The following CHST9 variants were observed in gnomAD, a reference collection of about 807,000 sequenced individuals.
CHST9 encodes carbohydrate sulfotransferase 9.
Under a neutral mutation model 44.4 loss-of-function variants are expected in CHST9, and 41 were observed. The observed-to-expected ratio is 0.92, with a 90% CI of 0.72 to 1.20. The LOEUF is 1.20. CHST9 is among the 50% of genes most tolerant of loss of function. CHST9 has a pLI of 0.00. For missense variants in CHST9, 504 were observed against 516.5 expected, an observed-to-expected ratio of 0.98 and a Z score of 0.23; for synonymous variants, 171 against 178.4, an observed-to-expected ratio of 0.96 and a Z score of 0.33.
intron 5 of CHST9, among the ~76,000 whole-genome samples, chr18:26,936,915 A>C (rs1455416252): frequency 6.6e-6 from 1 of 152,204 alleles, no homozygotes; most frequent in African/African-American, 2.4e-5. Flanking sequence ...CATTTTCAGT[A>C]CGGAGTTTCA....
At chr18:26,925,143 T>A (rs232321) in intron 5 of CHST9, among the ~76,000 whole-genome samples, 63,915 of 151,216 alleles carry the variant, frequency 0.42, 13,944 homozygotes, top group East Asian at 0.7. Context: ...CAAAAAAAAA[T>A]TTGGCACAGG....
At chr18:26,996,214 T>C (rs2056886322) in intron 4 of CHST9, among the ~76,000 whole-genome samples, 1 of 152,230 alleles carries the variant, frequency 6.6e-6, no homozygotes, top group South Asian at 2.1e-4. Flanking sequence ...TTCTTTGTAC[T>C]TCTGCTCTTA....
At chr18:27,081,988 C>T (rs945933079) in intron 2 of CHST9, among the ~76,000 whole-genome samples, 5 of 152,138 alleles carry the variant, frequency 3.3e-5, no homozygotes, top group African/African-American at 4.8e-5. Context: ...AAGTCACCTG[C>T]GACATGTTTA....
At chr18:27,126,537 G>GGGTTGAGAGATCTGATGGTC (rs2058425486) in intron 2 of CHST9, among the ~76,000 whole-genome samples, 1 of 152,154 alleles carries the variant, frequency 6.6e-6, no homozygotes, top group Non-Finnish European at 1.5e-5. Flanking sequence ...CAGAGGCCTA[G>GGGTTGAGAGATCTGATGGTC]GGTTGAGAGA....
intron 2 of CHST9, among the ~76,000 whole-genome samples, chr18:27,076,315 G>A (rs185948964): frequency 1.3e-5 from 2 of 152,234 alleles, no homozygotes; most frequent in East Asian, 3.9e-4. Flanking sequence ...TAATTTAAAG[G>A]ACTGACTTGT....
chr18:27,143,050 T>A (rs984246997), intron 1 of CHST9, 145 bp from the exon 2 acceptor site: 27 of 296,996 alleles, frequency 9.1e-5, no homozygotes, highest in Middle Eastern at 9.1e-4. Context: ...TAGTAGGTGT[T>A]CCTAGAATGG....
At chr18:26,951,039 A>G (rs1030799088) in intron 4 of CHST9, among the ~76,000 whole-genome samples, 9 of 152,214 alleles carry the variant, frequency 5.9e-5, no homozygotes, top group African/African-American at 2.2e-4. Flanking sequence ...GATTTCTTAA[A>G]TTTTAATCTC....
chr18:27,085,000 T>C (rs2057997932), intron 2 of CHST9, among the ~76,000 whole-genome samples: 1 of 152,054 alleles, frequency 6.6e-6, no homozygotes, highest in African/African-American at 2.4e-5. Context: ...TGCACTGTGG[T>C]GTGAGAGTAT....
chr18:27,001,097 G>C (rs1330568823), intron 4 of CHST9, among the ~76,000 whole-genome samples: 3 of 152,124 alleles, frequency 2.0e-5, no homozygotes, highest in Non-Finnish European at 2.9e-5. Context: ...TAACTCCCTA[G>C]GGGAATTGGA....
intron 3 of CHST9, among the ~76,000 whole-genome samples, chr18:27,043,759 C>T (rs1348154262): frequency 6.6e-6 from 1 of 152,060 alleles, no homozygotes; most frequent in African/African-American, 2.4e-5. Context: ...TTAGAAAATG[C>T]AGATGGATTC....
In CHST9 at chr18:26,916,385, A is replaced by G. The variant is rs2055522264; in HGVS notation, c.1206T>C (p.Asp402=). The G allele has an allele frequency of 6.2e-7, 1 of 1,613,698 alleles. No individual in the cohort carries two copies. The highest frequency in any genetic ancestry group is 8.5e-7 in the Non-Finnish European group (1 of 1,179,730). The change falls in exon 6 of 6, where the codon GAT becomes GAC. Residue 402 remains aspartate (D), a synonymous_variant. Transcript: ENST00000618847. Reference sequence around the variant, plus strand: ...TCACGACTTGAGCATTGGTTCTTTCATCGGAAGAGTGCCTATCCTTAAAGT... The same window carrying G: ...TCACGACTTGAGCATTGGTTCTTTCGTCGGAAGAGTGCCTATCCTTAAAGT... The part of the protein sequence containing the change: ...FPNFKDRHSS[D]ERTNAQVVRQ...
rs375966989 is a variant in CHST9 at position 27,103,197 on chromosome 18, G to T, written c.121+39492C>A. Among the ~76,000 whole-genome samples, 13 of 152,236 alleles carry T rather than the reference G, an allele frequency of 8.5e-5. No homozygotes were observed. The East Asian group carries it at 1.5e-3, about 18-fold the overall frequency. ...ATGAGTAAACTGAGGCATAGAACGG[G>T]TAGGTGGTTGATTCAAGATGACATA... is the stretch of plus-strand genomic sequence containing the variant. On this transcript the variant is annotated intron_variant, in intron 2 of 5. Transcript: ENST00000618847.
intron 1 of CHST9, among the ~76,000 whole-genome samples, chr18:27,151,645 A>G (rs1267604918): frequency 6.6e-6 from 1 of 152,160 alleles, no homozygotes; most frequent in African/African-American, 2.4e-5. Flanking sequence ...GAGGCAGAGG[A>G]GGAAGTCAGA....
At chr18:27,143,980 AAAAAC>A (rs2058590605) in intron 1 of CHST9, among the ~76,000 whole-genome samples, 1 of 152,200 alleles carries the variant, frequency 6.6e-6, no homozygotes, top group African/African-American at 2.4e-5. Flanking sequence ...TAAAAATAGA[AAAAAC>A]AAACAAACAA....
At chr18:27,147,386 A>C (rs762882995) in intron 1 of CHST9, among the ~76,000 whole-genome samples, 1 of 152,024 alleles carries the variant, frequency 6.6e-6, no homozygotes, top group Non-Finnish European at 1.5e-5. Context: ...GATTTTAAGG[A>C]AGGAGTGGTG....
At chr18:26,951,914 T>C (rs116367213) in intron 4 of CHST9, among the ~76,000 whole-genome samples, 1 of 152,130 alleles carries the variant, frequency 6.6e-6, no homozygotes, top group Admixed American at 6.5e-5. Context: ...CTTGGTGAAG[T>C]GCATGCAGCC....
At chr18:27,037,838 T>G (rs1313594519) in intron 3 of CHST9, among the ~76,000 whole-genome samples, 1 of 127,470 alleles carries the variant, frequency 7.8e-6, no homozygotes, top group Non-Finnish European at 1.8e-5. Flanking sequence ...TTAGTTAAGT[T>G]TTTTTTTTTT....
At chr18:27,167,985 G>T (rs1567947237) in intron 1 of CHST9, among the ~76,000 whole-genome samples, 1 of 152,020 alleles carries the variant, frequency 6.6e-6, no homozygotes, top group Admixed American at 6.5e-5. Context: ...AGAAAGATAG[G>T]CAAAAAGCCT....
intron 1 of CHST9, among the ~76,000 whole-genome samples, chr18:27,161,898 A>C (rs1324756267): frequency 1.4e-4 from 21 of 151,824 alleles, no homozygotes; most frequent in East Asian, 7.7e-4. Flanking sequence ...TTGTTGGTTT[A>C]AAGTCTGTTT....
Sources: gnomAD v4.1 joint callset for allele counts (sites outside exome capture counted in the v4.1 genomes callset) on GRCh38, gnomAD v4.1.1 for gene constraint, MANE v1.5 for transcripts, NCBI Gene and HGNC (gene_info 2026-07-23, HGNC 2026-07-21) for gene names.